The following CYP39A1 variants were observed in gnomAD, a reference collection of about 807,000 sequenced individuals.
The protein encoded by CYP39A1 is 24-hydroxycholesterol 7-alpha-hydroxylase.
Under a neutral mutation model 58.1 loss-of-function variants are expected in CYP39A1, and 49 were observed. The observed-to-expected ratio is 0.84, with a 90% CI of 0.67 to 1.07. The LOEUF is 1.07. Ranked by LOEUF, CYP39A1 falls within the 50% of genes least tolerant of loss-of-function variation. CYP39A1 has a pLI of 0.00. For synonymous variants in CYP39A1, 209 were observed against 187.6 expected (o/e 1.11, Z -0.93); for missense variants, 531 against 539.4 (o/e 0.98, Z 0.16).
At chr6:46,646,481 T>G (rs1366773387) in intron 1 of CYP39A1, among the ~76,000 whole-genome samples, 1 of 152,158 alleles carries the variant, frequency 6.6e-6, no homozygotes, top group Admixed American at 6.5e-5. Flanking sequence ...GATATTTTGT[T>G]ATTTCTGCAT....
chr6:46,608,343 T>G (rs959214408), intron 7 of CYP39A1, among the ~76,000 whole-genome samples: 2 of 152,090 alleles, frequency 1.3e-5, no homozygotes, highest in Non-Finnish European at 2.9e-5. Context: ...CCAGATAAGA[T>G]TCTACAAAGT....
At chr6:46,611,618 G>T (rs1774215667) in intron 7 of CYP39A1, among the ~76,000 whole-genome samples, 1 of 152,054 alleles carries the variant, frequency 6.6e-6, no homozygotes, top group Admixed American at 6.6e-5. Flanking sequence ...TTAAAAAAGA[G>T]ATTATCAATT....
chr6:46,583,922 G>A (rs1014141098), intron 10 of CYP39A1, among the ~76,000 whole-genome samples: 2 of 152,166 alleles, frequency 1.3e-5, no homozygotes, highest in Non-Finnish European at 2.9e-5. Flanking sequence ...TTGATCATCA[G>A]CCATATTACA....
intron 7 of CYP39A1, among the ~76,000 whole-genome samples, chr6:46,601,764 G>A (rs1268623025): frequency 3.3e-5 from 5 of 151,304 alleles, no homozygotes; most frequent in South Asian, 4.2e-4. Flanking sequence ...CAGGTGATCC[G>A]CCCATCTCAG....
intron 7 of CYP39A1, among the ~76,000 whole-genome samples, chr6:46,616,779 G>A (rs770501163): frequency 2.6e-5 from 4 of 152,118 alleles, no homozygotes; most frequent in East Asian, 1.9e-4. Flanking sequence ...AGATGAGGTC[G>A]TTGAGTTAGA....
At chr6:46,636,862 T>C (rs1447583998) in intron 4 of CYP39A1, among the ~76,000 whole-genome samples, 1 of 152,172 alleles carries the variant, frequency 6.6e-6, no homozygotes, top group Non-Finnish European at 1.5e-5. Flanking sequence ...GCTCTCATCT[T>C]CTAAATCTTG....
intron 7 of CYP39A1, among the ~76,000 whole-genome samples, chr6:46,609,325 C>T (rs916176511): frequency 2.0e-5 from 3 of 151,568 alleles, no homozygotes; most frequent in Non-Finnish European, 4.4e-5. Context: ...ATGGCGTGAA[C>T]CCGGGAGGCG....
intron 3 of CYP39A1, among the ~76,000 whole-genome samples, chr6:46,639,162 G>A (rs1367941016): frequency 6.6e-6 from 1 of 152,130 alleles, no homozygotes; most frequent in African/African-American, 2.4e-5. Context: ...CAGGAAGTAT[G>A]AAAATTATAA....
intron 10 of CYP39A1, among the ~76,000 whole-genome samples, chr6:46,563,327 C>T (rs1029369860): frequency 1.3e-5 from 2 of 152,086 alleles, no homozygotes; most frequent in Non-Finnish European, 2.9e-5. Flanking sequence ...CTTAATACTT[C>T]TAATGTCAAA....
rs76979722 is a variant in CYP39A1 at position 46,599,757 on chromosome 6, C to T, written c.932-3637G>A. Among the ~76,000 whole-genome samples, 948 of 152,202 alleles carry T rather than the reference C, an allele frequency of 6.2e-3. 8 individuals carry two copies. Among genetic ancestry groups the T allele is most frequent in the African/African-American group, 0.021 (878 of 41,548 alleles). On this transcript the variant is annotated intron_variant, in intron 7 of 11. Coordinates refer to ENST00000275016, the MANE Select transcript of CYP39A1 (RefSeq NM_016593.5). ...CCACAATAACATTTTTTGCCTTCAT[C>T]CCTTTTGTGAGCTCCAGATTATTGT...
intron 5 of CYP39A1, among the ~76,000 whole-genome samples, chr6:46,632,561 G>A (rs1233247771): frequency 2.6e-5 from 4 of 151,590 alleles, no homozygotes; most frequent in African/African-American, 9.7e-5. Context: ...TCATCACCCA[G>A]GTACTAAGCC....
At chr6:46,616,357 A>G (rs1343299169) in intron 7 of CYP39A1, among the ~76,000 whole-genome samples, 1 of 149,618 alleles carries the variant, frequency 6.7e-6, no homozygotes, top group Non-Finnish European at 1.5e-5. Flanking sequence ...TCCTGGACTC[A>G]GGTCAATCCT....
chr6:46,638,011 C>A, intron 3 of CYP39A1, 33 bp from the exon 4 acceptor site: 1 of 1,571,732 alleles, frequency 6.4e-7, no homozygotes, highest in South Asian at 1.2e-5. Context: ...AAAGTCAGAC[C>A]CGAAGACCAA....
chr6:46,611,699 A>G (rs1774220557), intron 7 of CYP39A1, among the ~76,000 whole-genome samples: 1 of 152,226 alleles, frequency 6.6e-6, no homozygotes, highest in Admixed American at 6.5e-5. Flanking sequence ...AATAAAGGAT[A>G]TAGTCCAATA....
At chr6:46,644,892 G>T (rs1762220978) in intron 1 of CYP39A1, among the ~76,000 whole-genome samples, 1 of 152,076 alleles carries the variant, frequency 6.6e-6, no homozygotes, top group Non-Finnish European at 1.5e-5. Flanking sequence ...AATGACTATT[G>T]ATGTTGAACA....
intron 7 of CYP39A1, among the ~76,000 whole-genome samples, chr6:46,609,296 G>A (rs1008339572): frequency 6.6e-6 from 1 of 151,782 alleles, no homozygotes; most frequent in Non-Finnish European, 1.5e-5. Context: ...CCAGCTACTC[G>A]GGAGGCTGAG....
chr6:46,569,585 T>C (rs1359999028), intron 10 of CYP39A1, among the ~76,000 whole-genome samples: 51 of 152,202 alleles, frequency 3.4e-4, no homozygotes, highest in Non-Finnish European at 1.6e-4. Flanking sequence ...CATGAAAAGA[T>C]GATAAATTTT....
At position 46,631,212 on chromosome 6, in the gene CYP39A1, G is replaced by A. The variant is rs1029947313; in HGVS notation, c.733-142C>T. On this transcript the variant is annotated intron_variant, in intron 5 of 11. Coordinates refer to ENST00000275016, the MANE Select transcript of CYP39A1 (RefSeq NM_016593.5). ...GGTTTTGCAGTTTGAGGCATGTGAAGGGATTTATGTCCTTACTGTAGTATA... is the reference window on the plus strand; with the variant it reads ...GGTTTTGCAGTTTGAGGCATGTGAAAGGATTTATGTCCTTACTGTAGTATA... The A allele has an allele frequency of 6.0e-6, 4 of 670,644 alleles. No homozygotes were observed. In the Admixed American group the frequency reaches 7.5e-5, roughly 13 times the overall value. 41.5% of individuals were successfully genotyped at this position (670,644 alleles called of 1,614,324 possible). A position where few individuals can be genotyped will look rare whatever the true frequency, so the allele number is the denominator to read the frequency against.
At chr6:46,594,627 A>C (rs1325405295) in intron 8 of CYP39A1, among the ~76,000 whole-genome samples, 1 of 152,030 alleles carries the variant, frequency 6.6e-6, no homozygotes, top group Admixed American at 6.6e-5. Context: ...ATGAAATTAG[A>C]CCTGTATTTC....
Sources: gnomAD v4.1 joint callset for allele counts (sites outside exome capture counted in the v4.1 genomes callset) on GRCh38, gnomAD v4.1.1 for gene constraint, MANE v1.5 for transcripts, NCBI Gene and HGNC (gene_info 2026-07-23, HGNC 2026-07-21) for gene names.